The following ATP2B2 variants were observed in gnomAD, a reference collection of about 807,000 sequenced individuals.
The protein encoded by ATP2B2 is plasma membrane calcium-transporting ATPase 2.
ATP2B2 carries 15 observed loss-of-function variants against 120.0 expected under a neutral mutation model. The ratio of observed to expected loss-of-function variants is 0.12; its 90% CI spans 0.08 to 0.19. ATP2B2 has a LOEUF of 0.19. Ranked by LOEUF, ATP2B2 falls within the 10% of genes least tolerant of loss-of-function variation. The pLI, the probability that ATP2B2 is intolerant of heterozygous loss-of-function variation, is 1.00. For synonymous variants in ATP2B2, 694 were observed against 700.3 expected, an observed-to-expected ratio of 0.99 and a Z score of 0.14; for missense variants, 1,045 against 1,719.8, an observed-to-expected ratio of 0.61 and a Z score of 6.94.
At chr3:10,602,353 CAG>C (rs2125593836) in intron 2 of ATP2B2, among the ~76,000 whole-genome samples, 1 of 152,326 alleles carries the variant, frequency 6.6e-6, no homozygotes, top group South Asian at 2.1e-4. Context: ...TCGCTTTCCA[CAG>C]AGTGTGTCCT....
intron 2 of ATP2B2, among the ~76,000 whole-genome samples, chr3:10,417,787 G>C (rs567100963): frequency 3.9e-5 from 6 of 152,276 alleles, no homozygotes; most frequent in Admixed American, 3.3e-4. Context: ...AAGGAGTGAG[G>C]GTTGATCAGA....
chr3:10,364,221 G>A (rs1480430838), intron 12 of ATP2B2, among the ~76,000 whole-genome samples: 1 of 152,152 alleles, frequency 6.6e-6, no homozygotes, highest in Non-Finnish European at 1.5e-5. Flanking sequence ...GCCAGACATG[G>A]GAGGAGAGGG....
At chr3:10,475,918 G>C (rs1032213876) in intron 1 of ATP2B2, among the ~76,000 whole-genome samples, 1 of 152,192 alleles carries the variant, frequency 6.6e-6, no homozygotes, top group African/African-American at 2.4e-5. Flanking sequence ...TGCTTCTCTG[G>C]TTAGGGGGTC....
Position 10,375,220 on chromosome 3 carries a change from A to T in ATP2B2, c.1416+210T>A, listed in dbSNP as rs887656319. Among the ~76,000 whole-genome samples, 5 of 152,206 alleles carry T rather than the reference A, an allele frequency of 3.3e-5. No individual in the cohort carries two copies. Among genetic ancestry groups the T allele is most frequent in the African/African-American group, 1.2e-4 (5 of 41,456 alleles). The stretch of plus-strand genomic sequence containing the variant: ...CTGAATAACAGCTGCCTCTTCAGCC[A>T]GGGTATGGCTCTCTGGTTTGCTACA... On this transcript the variant is annotated intron_variant, in intron 11 of 22. Coordinates refer to ENST00000360273, the MANE Select transcript of ATP2B2 (RefSeq NM_001001331.4). The surrounding 1 kb of genome is among the most constrained non-coding windows in gnomAD (Gnocchi z 4.2).
chr3:10,455,829 GC>G, intron 1 of ATP2B2, among the ~76,000 whole-genome samples: 1 of 152,352 alleles, frequency 6.6e-6, no homozygotes, highest in South Asian at 2.1e-4. Context: ...CCCTGAGCAA[GC>G]CCCTTTCTTC....
At chr3:10,604,888 C>G (rs1427858409) in intron 2 of ATP2B2, among the ~76,000 whole-genome samples, 1 of 152,200 alleles carries the variant, frequency 6.6e-6, no homozygotes, top group Non-Finnish European at 1.5e-5. Flanking sequence ...AACCTGCTCC[C>G]CCTCCTCCAT....
At chr3:10,438,932 T>C (rs1289067644) in intron 2 of ATP2B2, among the ~76,000 whole-genome samples, 2 of 152,152 alleles carry the variant, frequency 1.3e-5, no homozygotes, top group Non-Finnish European at 2.9e-5. Flanking sequence ...GCCCCTGGGC[T>C]TCTGGGAGCT....
chr3:10,449,744 G>A lies in ATP2B2; in HGVS notation c.-201C>T, dbSNP rs1431129541. ...TGGTGAGCTCCAAGAGGTGTCCTCC[G>A]GTGTGGGACGAGGTCCAGGGGCCGG... On this transcript the variant is annotated 5_prime_UTR_variant, in exon 2 of 23. Transcript: ENST00000360273. The A allele has an allele frequency of 1.8e-5, 12 of 665,512 alleles. No homozygotes were observed. Among genetic ancestry groups the A allele is most frequent in the East Asian group, 5.5e-5 (2 of 36,348 alleles). 41.2% of individuals were successfully genotyped at this position (665,512 alleles called of 1,614,324 possible).
chr3:10,567,304 A>G (rs2068030586), intron 2 of ATP2B2, among the ~76,000 whole-genome samples: 1 of 152,250 alleles, frequency 6.6e-6, no homozygotes, highest in Non-Finnish European at 1.5e-5. Flanking sequence ...TCTCAGCTCT[A>G]TGACCTCAGG....
chr3:10,391,186 C>T (rs1284278410), intron 5 of ATP2B2, among the ~76,000 whole-genome samples: 1 of 152,168 alleles, frequency 6.6e-6, no homozygotes. Context: ...ATCTAGTCCT[C>T]AAACTGGAGG....
chr3:10,512,258 G>A (rs1014511683), intron 3 of ATP2B2, among the ~76,000 whole-genome samples: 1 of 152,070 alleles, frequency 6.6e-6, no homozygotes, highest in African/African-American at 2.4e-5. Context: ...GAGCAGAGGG[G>A]TGACGACTGA....
Position 10,346,220 on chromosome 3 carries a change from T to G in ATP2B2, c.2405-83A>C, listed in dbSNP as rs2060428487. 1 of 1,294,276 alleles carries G rather than the reference T, an allele frequency of 7.7e-7. No individual in the cohort carries two copies. Among genetic ancestry groups the G allele is most frequent in the African/African-American group, 1.5e-5 (1 of 68,722 alleles). The allele number at this position is 1,294,276 out of a possible 1,614,324, so 80.2% of individuals were successfully genotyped here. ...CCAGCCCTGGTCCTCGGGAGGGGCCTGGCTGGGCATGGCTTCCTCTCTGGT... is the reference window on the plus strand; with the variant it reads ...CCAGCCCTGGTCCTCGGGAGGGGCCGGGCTGGGCATGGCTTCCTCTCTGGT... On this transcript the variant is annotated intron_variant, in intron 16 of 22. Transcript: ENST00000360273. The surrounding 1 kb of genome is among the most constrained non-coding windows in gnomAD (Gnocchi z 4.1).
intron 2 of ATP2B2, among the ~76,000 whole-genome samples, chr3:10,541,501 C>T (rs552479816): frequency 1.7e-4 from 26 of 152,236 alleles, no homozygotes; most frequent in Non-Finnish European, 3.4e-4. Context: ...TTAAAATTTA[C>T]ATTTAGACTT....
At chr3:10,523,698 A>T (rs1339862087) in intron 3 of ATP2B2, among the ~76,000 whole-genome samples, 1 of 152,068 alleles carries the variant, frequency 6.6e-6, no homozygotes, top group African/African-American at 2.4e-5. Flanking sequence ...TGCCCCCTTG[A>T]TGCTTCCTCC....
intron 8 of ATP2B2, among the ~76,000 whole-genome samples, chr3:10,383,826 G>A (rs1303399386): frequency 6.6e-6 from 1 of 152,202 alleles, no homozygotes. Flanking sequence ...GGGGTTTTCT[G>A]CTGCAGTCTG....
intron 8 of ATP2B2, 142 bp from the exon 9 acceptor site, chr3:10,379,426 G>A (rs2061470422): frequency 1.1e-6 from 1 of 950,572 alleles, no homozygotes; most frequent in Admixed American, 2.0e-5. Context: ...TGGGGATACG[G>A]GTTGGGGAGG....
At chr3:10,577,508 T>A (rs917196506) in intron 2 of ATP2B2, among the ~76,000 whole-genome samples, 3 of 152,140 alleles carry the variant, frequency 2.0e-5, no homozygotes, top group Non-Finnish European at 4.4e-5. Context: ...GCAGAAACCA[T>A]CGGCTGGGCC....
intron 1 of ATP2B2, among the ~76,000 whole-genome samples, chr3:10,494,777 T>C (rs1223480228): frequency 1.3e-5 from 2 of 152,212 alleles, no homozygotes; most frequent in African/African-American, 4.8e-5. Context: ...TGCTGCTACC[T>C]GGGGTGATAA....
intron 1 of ATP2B2, among the ~76,000 whole-genome samples, chr3:10,501,832 G>A (rs770803544): frequency 3.9e-5 from 6 of 152,256 alleles, no homozygotes; most frequent in South Asian, 2.1e-4. Flanking sequence ...AGCTCTGAGC[G>A]CCTATGTGCT....
Sources: allele counts gnomAD v4.1 joint callset (sites outside exome capture counted in the v4.1 genomes callset), GRCh38; gene constraint gnomAD v4.1.1; non-coding constraint Gnocchi (gnomAD v3.1); transcripts MANE v1.5; gene names NCBI Gene and HGNC (gene_info 2026-07-23, HGNC 2026-07-21).